SAMD8: variants seen among roughly 807,000 people sequenced by gnomAD.
SAMD8 encodes the protein sterile alpha motif domain containing 8, also known as sphingomyelin synthase-related protein 1.
A neutral mutation model predicts 42.0 loss-of-function variants in SAMD8; 20 were observed. The observed-to-expected ratio is 0.48, with a 90% CI of 0.34 to 0.69. The LOEUF is 0.69. Among genes scored for constraint, SAMD8 ranks in the 30% least tolerant of loss-of-function variants. The pLI is 0.01. For synonymous variants in SAMD8, 162 were observed against 173.0 expected, an observed-to-expected ratio of 0.94 and a Z score of 0.50; for missense variants, 328 against 511.6, an observed-to-expected ratio of 0.64 and a Z score of 3.46.
At chr10:75,102,451 A>T (rs964199521) in intron 1 of SAMD8, among the ~76,000 whole-genome samples, 1 of 152,154 alleles carries the variant, frequency 6.6e-6, no homozygotes, top group Non-Finnish European at 1.5e-5. Flanking sequence ...TCAAAAAGAA[A>T]AAAAGAAAAA....
Position 75,164,645 on chromosome 10 carries a change from C to T in SAMD8, c.579C>T (p.Ser193=), listed in dbSNP as rs61746282. 1.3e-3 allele frequency: 2,058 copies of T among 1,613,400 alleles called. 18 individuals are homozygous for T. The African/African-American group carries it at 0.022, about 17-fold the overall frequency. The change falls in exon 3 of 6, where the codon AGC becomes AGT. Residue 193 remains serine (S), a splice_region_variant and synonymous_variant. Transcript: ENST00000542569. ...TCAAAATCATTTTTTTCTGTTCCAG[C>T]GTTCCTAGAATCCCATGGGCCTTTG... ...YPPLPDIFLD[S]VPRIPWAFAM... is the part of the protein sequence containing the mutation.
At chr10:75,148,312 A>C (rs962204672) in intron 1 of SAMD8, among the ~76,000 whole-genome samples, 8 of 132,260 alleles carry the variant, frequency 6.0e-5, no homozygotes, top group Admixed American at 2.3e-4. Context: ...GCAGGAGTTT[A>C]TGTGGGTAGG....
At chr10:75,106,219 G>A (rs892181244) in intron 1 of SAMD8, among the ~76,000 whole-genome samples, 1 of 151,138 alleles carries the variant, frequency 6.6e-6, no homozygotes, top group African/African-American at 2.4e-5. Context: ...TGGGATTACA[G>A]GCGTGAGACA....
chr10:75,150,395 T>C (rs1840258940), intron 1 of SAMD8, 119 bp from the exon 2 acceptor site: 2 of 1,451,094 alleles, frequency 1.4e-6, no homozygotes, highest in South Asian at 1.5e-5. Context: ...GTGCTGGGGA[T>C]TGTAGGCATG....
intron 1 of SAMD8, among the ~76,000 whole-genome samples, chr10:75,117,374 A>T (rs749911076): frequency 4.0e-5 from 6 of 151,382 alleles, no homozygotes; most frequent in Non-Finnish European, 7.4e-5. Flanking sequence ...GTAAGCTGTG[A>T]TTGCGCCACT....
intron 4 of SAMD8, among the ~76,000 whole-genome samples, chr10:75,173,225 C>T (rs1840910233): frequency 1.3e-5 from 2 of 152,052 alleles, no homozygotes; most frequent in South Asian, 2.1e-4. Flanking sequence ...CTTATTGACC[C>T]GTATTATTTG....
Position 75,160,169 on chromosome 10 carries a change from A to G in SAMD8, c.579-4476A>G, listed in dbSNP as rs577105655. On this transcript the variant is annotated intron_variant, in intron 2 of 5. Coordinates refer to ENST00000542569, the MANE Select transcript of SAMD8 (RefSeq NM_001174156.2). Reference sequence around the variant, plus strand: ...ATATACAGTGTAATAATCAGTGTTCATAGTGATGACTCTAAATTACTAAAG... The same window carrying G: ...ATATACAGTGTAATAATCAGTGTTCGTAGTGATGACTCTAAATTACTAAAG... 2.0e-5 allele frequency among the ~76,000 whole-genome samples: 3 copies of G among 152,284 alleles called. No homozygotes were observed. In the South Asian group the frequency reaches 6.2e-4, roughly 32 times the overall value.
intron 1 of SAMD8, chr10:75,101,845 C>CA: frequency 7.3e-7 from 1 of 1,362,880 alleles, no homozygotes; most frequent in Non-Finnish European, 9.8e-7. Flanking sequence ...CTACCCCCCC[C>CA]AAATTAGGAG....
At chr10:75,160,534 G>C (rs1406659638) in intron 2 of SAMD8, among the ~76,000 whole-genome samples, 1 of 152,064 alleles carries the variant, frequency 6.6e-6, no homozygotes, top group Admixed American at 6.6e-5. Flanking sequence ...CCAGAAAAAA[G>C]ACATATCCAT....
Position 75,150,936 on chromosome 10 carries a change from T to C in SAMD8, c.408T>C (p.Gly136=). The C allele has an allele frequency of 6.2e-7, 1 of 1,612,904 alleles. No homozygotes were observed. Among genetic ancestry groups the C allele is most frequent in the Non-Finnish European group, 8.5e-7 (1 of 1,179,540 alleles). Residue 136 remains glycine (G), a synonymous_variant, in exon 2 of 6, where the codon GGT becomes GGC. Coordinates refer to ENST00000542569, the MANE Select transcript of SAMD8 (RefSeq NM_001174156.2). ...CTGATCAGTACCAGTACATGAATGG[T>C]AAAAACAAACATTCTGTTCGAAGAT... ...LNSDQYQYMN[G]KNKHSVRRLD... is the part of the protein sequence containing the mutation.
In SAMD8 at chr10:75,154,179, G is replaced by A. The variant is rs189558627; in HGVS notation, c.578+3073G>A. 2.6e-4 allele frequency among the ~76,000 whole-genome samples: 39 copies of A among 152,320 alleles called. 1 individual carries two copies. In the East Asian group the frequency reaches 6.9e-3, roughly 27 times the overall value. On this transcript the variant is annotated intron_variant, in intron 2 of 5. Transcript: ENST00000542569. ...TGGAAGTTGGAAGATGGATGGATGA[G>A]TGGCAATTGACAAACCCAAAATTAA...
At chr10:75,143,615 C>T (rs1184067005) in intron 1 of SAMD8, among the ~76,000 whole-genome samples, 7 of 151,856 alleles carry the variant, frequency 4.6e-5, no homozygotes, top group Non-Finnish European at 7.4e-5. Flanking sequence ...TGGCTTGAGC[C>T]CAGTAAGAAA....
At chr10:75,160,392 G>A (rs937241310) in intron 2 of SAMD8, among the ~76,000 whole-genome samples, 47 of 150,782 alleles carry the variant, frequency 3.1e-4, no homozygotes, top group African/African-American at 1.1e-3. Context: ...TTTTTTAGTA[G>A]GGACGGGGTT....
intron 2 of SAMD8, among the ~76,000 whole-genome samples, chr10:75,159,084 A>T (rs1284219535): frequency 1.0e-5 from 1 of 95,492 alleles, no homozygotes; most frequent in African/African-American, 5.7e-5. Flanking sequence ...TTTGAGACAG[A>T]GTCTCACTCT....
At position 75,181,789 on chromosome 10, in the gene SAMD8, G is replaced by A. The variant is rs137955870; in HGVS notation, c.*5097G>A. On this transcript the variant is annotated 3_prime_UTR_variant, in exon 6 of 6. Coordinates refer to ENST00000542569, the MANE Select transcript of SAMD8 (RefSeq NM_001174156.2). ...TCACTTTTACTAAGTTTTATTCAGA[G>A]GATCTATGTATTATTAGAAAAATGA... 46 of 152,198 alleles carry A rather than the reference G, an allele frequency of 3.0e-4. No homozygotes were observed. The highest frequency in any genetic ancestry group is 9.6e-4 in the African/African-American group (40 of 41,520). The allele number at this position is 152,198 out of a possible 1,614,324, so 9.4% of individuals were successfully genotyped here. A position where few individuals can be genotyped will look rare whatever the true frequency, so the allele number is the denominator to read the frequency against.
intron 2 of SAMD8, among the ~76,000 whole-genome samples, chr10:75,160,802 T>A (rs1416468503): frequency 6.6e-6 from 1 of 152,104 alleles, no homozygotes; most frequent in Non-Finnish European, 1.5e-5. Flanking sequence ...AAACAGAAAG[T>A]ACCAAGCATC....
intron 4 of SAMD8, among the ~76,000 whole-genome samples, chr10:75,171,154 CTTTTTCTTTT>C (rs1840853436): frequency 9.2e-6 from 1 of 108,186 alleles, no homozygotes; most frequent in Non-Finnish European, 1.9e-5. Context: ...TTCTTTCTTT[CTTTTTCTTTT>C]TTTTTTTTTT....
At chr10:75,154,145 A>G (rs989010207) in intron 2 of SAMD8, among the ~76,000 whole-genome samples, 1 of 152,214 alleles carries the variant, frequency 6.6e-6, no homozygotes, top group Non-Finnish European at 1.5e-5. Context: ...GAAAACAGCC[A>G]TACATTTTTG....
intron 4 of SAMD8, among the ~76,000 whole-genome samples, chr10:75,169,844 G>A (rs1255204531): frequency 6.6e-6 from 1 of 152,182 alleles, no homozygotes; most frequent in African/African-American, 2.4e-5. Context: ...AGGAGGCGGA[G>A]GTTGCAGTGA....
Sources: allele counts gnomAD v4.1 joint callset (sites outside exome capture counted in the v4.1 genomes callset), GRCh38; gene constraint gnomAD v4.1.1; transcripts MANE v1.5; gene names NCBI Gene and HGNC (gene_info 2026-07-23, HGNC 2026-07-21).